The following DCP1B variants were observed in gnomAD, a reference collection of about 807,000 sequenced individuals.
DCP1B encodes mRNA-decapping enzyme 1B.
DCP1B carries 47 observed loss-of-function variants against 60.5 expected under a neutral mutation model. That is an observed-to-expected ratio of 0.78 (90% CI 0.61 to 0.99). The LOEUF is 0.99. Ranked by LOEUF, DCP1B falls within the 50% of genes least tolerant of loss-of-function variation. The pLI, the probability that DCP1B is intolerant of heterozygous loss-of-function variation, is 0.00. For missense variants in DCP1B, 725 were observed against 756.8 expected, an observed-to-expected ratio of 0.96 and a Z score of 0.49; for synonymous variants, 267 against 280.3, an observed-to-expected ratio of 0.95 and a Z score of 0.47.
chr12:1,953,586 AG>A (rs537350904), intron 6 of DCP1B, among the ~76,000 whole-genome samples: 2 of 152,182 alleles, frequency 1.3e-5, no homozygotes, highest in Non-Finnish European at 2.9e-5. Flanking sequence ...CCACCTTGGT[AG>A]GAAATTATAT....
intron 3 of DCP1B, among the ~76,000 whole-genome samples, chr12:1,979,167 C>T (rs986872757): frequency 1.3e-5 from 2 of 152,164 alleles, no homozygotes; most frequent in Non-Finnish European, 1.5e-5. Flanking sequence ...TGCCCGCCAT[C>T]GAGCCTGGCT....
chr12:1,949,879 C>T (rs1271688641), intron 7 of DCP1B, among the ~76,000 whole-genome samples: 1 of 152,250 alleles, frequency 6.6e-6, no homozygotes, highest in African/African-American at 2.4e-5. Context: ...AGAGAGCCCT[C>T]ATCTTCAGCT....
Position 1,997,709 on chromosome 12 carries a change from C to T in DCP1B, c.191+226G>A, listed in dbSNP as rs917469233. Among the ~76,000 whole-genome samples, 4 of 152,186 alleles carry T rather than the reference C, an allele frequency of 2.6e-5. No homozygotes were observed. The highest frequency in any genetic ancestry group is 6.5e-5 in the Admixed American group (1 of 15,284). On this transcript the variant is annotated intron_variant, in intron 2 of 8. Coordinates refer to ENST00000280665, the MANE Select transcript of DCP1B (RefSeq NM_152640.5). ...TGCCCAGTCAATGATTTAAGTTCATCTACATTGAAGTTTAAATTATATTCT... is the reference window on the plus strand; with the variant it reads ...TGCCCAGTCAATGATTTAAGTTCATTTACATTGAAGTTTAAATTATATTCT...
intron 4 of DCP1B, among the ~76,000 whole-genome samples, chr12:1,967,411 A>G (rs1326662201): frequency 6.6e-6 from 1 of 152,216 alleles, no homozygotes. Flanking sequence ...TCCCACAAAC[A>G]TGTATACACA....
intron 7 of DCP1B, chr12:1,950,506 AG>A: frequency 1.5e-6 from 1 of 680,290 alleles, no homozygotes; most frequent in South Asian, 1.5e-5. Flanking sequence ...CACTGAAATG[AG>A]GGGGAGTGGG....
chr12:2,002,260 T>C (rs1329012848), intron 1 of DCP1B, among the ~76,000 whole-genome samples: 1 of 152,216 alleles, frequency 6.6e-6, no homozygotes, highest in Non-Finnish European at 1.5e-5. Context: ...TGTTCTCATA[T>C]TCTTATTAGG....
intron 7 of DCP1B, among the ~76,000 whole-genome samples, chr12:1,950,848 A>G (rs1209221095): frequency 1.3e-5 from 2 of 152,080 alleles, no homozygotes; most frequent in South Asian, 2.1e-4. Flanking sequence ...GACAGGGTCT[A>G]TGTTGCCCAG....
chr12:1,972,921 A>G (rs2032957787), intron 3 of DCP1B, among the ~76,000 whole-genome samples: 2 of 152,160 alleles, frequency 1.3e-5, no homozygotes, highest in South Asian at 2.1e-4. Context: ...AGCAGTAAAC[A>G]CTCGAGCAGC....
intron 3 of DCP1B, among the ~76,000 whole-genome samples, chr12:1,974,607 A>G (rs1481207205): frequency 6.6e-6 from 1 of 152,160 alleles, no homozygotes; most frequent in Non-Finnish European, 1.5e-5. Context: ...ATTTCTCTTC[A>G]TTATGGAAAA....
intron 3 of DCP1B, among the ~76,000 whole-genome samples, chr12:1,980,112 G>C (rs1478594760): frequency 6.6e-6 from 1 of 152,016 alleles, no homozygotes; most frequent in Non-Finnish European, 1.5e-5. Flanking sequence ...TTCACTCCTA[G>C]GTATAAACCC....
chr12:1,992,720 C>G (rs1191717839), intron 3 of DCP1B: 1 of 168,202 alleles, frequency 5.9e-6, no homozygotes, highest in Non-Finnish European at 1.3e-5. Context: ...TAGTTACCTA[C>G]TACGACTTCC....
chr12:1,980,564 G>A (rs1268922092), intron 3 of DCP1B, among the ~76,000 whole-genome samples: 2 of 151,422 alleles, frequency 1.3e-5, no homozygotes, highest in African/African-American at 4.9e-5. Flanking sequence ...CTTAAGAACA[G>A]AAGTTTTTAA....
At chr12:1,965,055 C>A (rs12578950) in intron 5 of DCP1B, among the ~76,000 whole-genome samples, 46,916 of 151,932 alleles carry the variant, frequency 0.31, 7,457 homozygotes, top group East Asian at 0.51. Flanking sequence ...ATTTAGTGGT[C>A]ACCTTAAATG....
At chr12:2,000,940 G>A (rs1258077872) in intron 1 of DCP1B, among the ~76,000 whole-genome samples, 1 of 152,120 alleles carries the variant, frequency 6.6e-6, no homozygotes, top group East Asian at 1.9e-4. Flanking sequence ...TGGAGGCTGA[G>A]GCAGGAGAAT....
chr12:1,999,224 A>G (rs1319760138), intron 1 of DCP1B, among the ~76,000 whole-genome samples: 1 of 152,234 alleles, frequency 6.6e-6, no homozygotes. Context: ...TGCTAGTTTG[A>G]GAGCCACTCA....
rs1555213620 is a variant in DCP1B, at chr12:1,993,627, G to GGGGTGTGT, written c.192-237_192-236insACACACCC. Among the ~76,000 whole-genome samples, 194 of 146,674 alleles carry GGGGTGTGT rather than the reference G, an allele frequency of 1.3e-3. 1 individual carries two copies. Among genetic ancestry groups the GGGGTGTGT allele is most frequent in the African/African-American group, 4.7e-3 (187 of 39,942 alleles). On this transcript the variant is annotated intron_variant, in intron 2 of 8. Coordinates refer to ENST00000280665, the MANE Select transcript of DCP1B (RefSeq NM_152640.5). ...TAAAATTGAGTCATACTTCATTTGT[G>GGGGTGTGT]GTGTGTGTGTGTGTGTGTGTGTGTG...
chr12:1,971,084 C>T lies in DCP1B; in HGVS notation c.320-3174G>A, dbSNP rs1056649694. 3.1e-6 allele frequency: 4 copies of T among 1,289,276 alleles called. No homozygotes were observed. Among genetic ancestry groups the T allele is most frequent in the Non-Finnish European group, 4.0e-6 (4 of 988,454 alleles). The allele number at this position is 1,289,276 out of a possible 1,614,324, so 79.9% of individuals were successfully genotyped here. On this transcript the variant is annotated intron_variant, in intron 3 of 8. Transcript: ENST00000280665. This position sits in a 1 kb window ranked among gnomAD's most constrained non-coding sequence, Gnocchi z 4.2. ...CACAATGCTTCGAGCCTTTGTTCAGCCTGGTACGCCTGCATACCAGCCGCT... is the reference window on the plus strand; with the variant it reads ...CACAATGCTTCGAGCCTTTGTTCAGTCTGGTACGCCTGCATACCAGCCGCT...
In DCP1B at chr12:2,002,207, C is replaced by T. The variant is rs7969540; in HGVS notation, c.150+2075G>A. The stretch of plus-strand genomic sequence containing the variant: ...AATAAGAATTCCCCTCCTTAAGATC[C>T]CCCCTGCCTTCTTGTAAATACTTTC... On this transcript the variant is annotated intron_variant, in intron 1 of 8. Transcript: ENST00000280665. 9.0e-3 allele frequency among the ~76,000 whole-genome samples: 1,373 copies of T among 152,270 alleles called. 25 individuals are homozygous for T. The highest frequency in any genetic ancestry group is 0.031 in the African/African-American group (1,304 of 41,530).
intron 3 of DCP1B, among the ~76,000 whole-genome samples, chr12:1,969,928 G>T (rs532365541): frequency 2.6e-5 from 4 of 152,182 alleles, no homozygotes; most frequent in Admixed American, 1.3e-4. Flanking sequence ...ACTATCAAAG[G>T]AGAAAGATGG....
Sources: allele counts gnomAD v4.1 joint callset (sites outside exome capture counted in the v4.1 genomes callset), GRCh38; gene constraint gnomAD v4.1.1; non-coding constraint Gnocchi (gnomAD v3.1); transcripts MANE v1.5; gene names NCBI Gene and HGNC (gene_info 2026-07-23, HGNC 2026-07-21).